Variants in CWC22 observed in about 807,000 individuals in gnomAD.
CWC22 encodes the protein pre-mRNA-splicing factor CWC22 homolog.
Under a neutral mutation model 117.2 loss-of-function variants are expected in CWC22, and 53 were observed. That is an observed-to-expected ratio of 0.45 (90% CI 0.36 to 0.57). The LOEUF is 0.57. Among genes scored for constraint, CWC22 ranks in the 20% least tolerant of loss-of-function variants. The probability of loss-of-function intolerance (pLI) is 0.00; values close to 1 mark genes in which losing one functional copy is unlikely to be tolerated. For missense variants in CWC22, 980 were observed against 1,068.8 expected (o/e 0.92, Z 1.16); for synonymous variants, 360 against 355.6 (o/e 1.01, Z -0.14).
Position 179,993,384 on chromosome 2 carries a change from C to G in CWC22, c.-43G>C, listed in dbSNP as rs1411015137. On this transcript the variant is annotated 5_prime_UTR_variant, in exon 2 of 20. Coordinates refer to ENST00000410053, the MANE Select transcript of CWC22 (RefSeq NM_020943.3). ...TCCAATAAATCAAAGATGCTTCAAA[C>G]TGGTCCAAATAACAAGTACCCAATG... The G allele has an allele frequency of 1.4e-6, 2 of 1,476,850 alleles. No homozygotes were observed. The highest frequency in any genetic ancestry group is 2.0e-5 in the Admixed American group (1 of 51,140). The allele number at this position is 1,476,850 out of a possible 1,614,324, so 91.5% of individuals were successfully genotyped here.
chr2:179,994,620 A>G (rs1687654665), intron 1 of CWC22, among the ~76,000 whole-genome samples: 1 of 152,206 alleles, frequency 6.6e-6, no homozygotes, highest in Non-Finnish European at 1.5e-5. Flanking sequence ...AATGATTGGC[A>G]TGGTGTCAAG....
chr2:179,975,961 A>G (rs1687143327), intron 6 of CWC22, among the ~76,000 whole-genome samples: 1 of 152,204 alleles, frequency 6.6e-6, no homozygotes, highest in Admixed American at 6.5e-5. Flanking sequence ...AATCTTGAAC[A>G]AAAAGAACAA....
intron 1 of CWC22, among the ~76,000 whole-genome samples, chr2:179,995,701 A>C (rs1687680690): frequency 6.6e-6 from 1 of 152,238 alleles, no homozygotes; most frequent in Admixed American, 6.5e-5. Flanking sequence ...GCACTGGAGA[A>C]TGAACAAAAG....
chr2:180,003,454 G>A (rs552869947), intron 1 of CWC22, among the ~76,000 whole-genome samples: 1 of 152,246 alleles, frequency 6.6e-6, no homozygotes, highest in African/African-American at 2.4e-5. Flanking sequence ...GTATATGGGT[G>A]AACACATTCT....
rs527854270 is a variant in CWC22 at position 179,992,197 on chromosome 2, A to G, written c.27+1118T>C. 7.2e-4 allele frequency among the ~76,000 whole-genome samples: 110 copies of G among 152,308 alleles called. 3 individuals carry two copies. Among genetic ancestry groups the G allele is most frequent in the African/African-American group, 2.5e-3 (102 of 41,560 alleles). On this transcript the variant is annotated intron_variant, in intron 2 of 19. Transcript: ENST00000410053. ...CCCTTTACTGACTCCAAGGCCCAAA[A>G]AGTGATGTCCTGGTTTTAAATCCAT...
chr2:179,961,232 T>C (rs1201345883), intron 13 of CWC22, among the ~76,000 whole-genome samples: 1 of 152,030 alleles, frequency 6.6e-6, no homozygotes, highest in Admixed American at 6.5e-5. Context: ...TTGTTAATTG[T>C]TTATTGATTC....
Position 180,002,328 on chromosome 2 carries a change from A to G in CWC22, c.-114+4539T>C, listed in dbSNP as rs185643001. Among the ~76,000 whole-genome samples the G allele has an allele frequency of 5.3e-4, 80 of 152,264 alleles. No homozygotes were observed. The East Asian group carries it at 0.013, about 25-fold the overall frequency. On this transcript the variant is annotated intron_variant, in intron 1 of 19. Transcript: ENST00000410053. ...TGTTTCCCCCTCATTCTGTCACTGTATATAGGAGGCTGGGGGAAGGTTCCA... is the reference window on the plus strand; with the variant it reads ...TGTTTCCCCCTCATTCTGTCACTGTGTATAGGAGGCTGGGGGAAGGTTCCA...
chr2:179,973,359 AT>A, intron 7 of CWC22, 113 bp from the exon 8 acceptor site: 2 of 728,964 alleles, frequency 2.7e-6, no homozygotes, highest in Non-Finnish European at 4.6e-6. Flanking sequence ...CACAAGTATA[AT>A]TTTTACATTA....
intron 16 of CWC22, among the ~76,000 whole-genome samples, chr2:179,953,426 T>C (rs1559285025): frequency 6.6e-6 from 1 of 152,098 alleles, no homozygotes; most frequent in Non-Finnish European, 1.5e-5. Flanking sequence ...CAAATTCCTT[T>C]AGTAATTTTG....
intron 14 of CWC22, among the ~76,000 whole-genome samples, chr2:179,956,664 T>A (rs1686599365): frequency 2.0e-5 from 3 of 151,236 alleles, no homozygotes; most frequent in Non-Finnish European, 4.4e-5. Flanking sequence ...TTTATAAATG[T>A]GTAAGTTCTG....
intron 5 of CWC22, 42 bp downstream of exon 5, chr2:179,981,710 T>C (rs746344198): frequency 1.9e-5 from 29 of 1,547,336 alleles, no homozygotes; most frequent in Non-Finnish European, 2.4e-5. Context: ...TATTTTTCAA[T>C]GACAATTTCA....
At chr2:179,961,545 C>T (rs2105517834) in intron 13 of CWC22, among the ~76,000 whole-genome samples, 1 of 152,086 alleles carries the variant, frequency 6.6e-6, no homozygotes, top group African/African-American at 2.4e-5. Context: ...AATAATACAG[C>T]AAAACCAAAA....
chr2:179,952,820 C>T (rs1686487741), intron 16 of CWC22, among the ~76,000 whole-genome samples: 1 of 151,936 alleles, frequency 6.6e-6, no homozygotes, highest in Admixed American at 6.6e-5. Flanking sequence ...AGATTTCATT[C>T]TCTGTTTTGA....
At chr2:179,994,255 T>C (rs79560414) in intron 1 of CWC22, among the ~76,000 whole-genome samples, 1,823 of 152,188 alleles carry the variant, frequency 0.012, 20 homozygotes, top group Non-Finnish European at 0.017. Context: ...GATTAAAAGA[T>C]ACAGAGAATG....
intron 1 of CWC22, among the ~76,000 whole-genome samples, chr2:180,000,242 G>A (rs1317061342): frequency 6.6e-6 from 1 of 152,016 alleles, no homozygotes; most frequent in African/African-American, 2.4e-5. Context: ...GAAAATAAAA[G>A]GGTCAAAATA....
chr2:179,970,580 A>C lies in CWC22; in HGVS notation c.1148-17T>G. The C allele has an allele frequency of 1.3e-6, 2 of 1,552,108 alleles. No homozygotes were observed. Among genetic ancestry groups the C allele is most frequent in the South Asian group, 1.2e-5 (1 of 84,162 alleles). On this transcript the variant is annotated splice_polypyrimidine_tract_variant and intron_variant, in intron 10 of 19. Transcript: ENST00000410053. ...TGAAAACATCTAAAAAAAATGTAAA[A>C]GTTAATGTTTATTTTCTATATTTAC... is the stretch of plus-strand genomic sequence containing the variant.
At chr2:179,988,019 A>G (rs1687464470) in intron 3 of CWC22, among the ~76,000 whole-genome samples, 1 of 152,126 alleles carries the variant, frequency 6.6e-6, no homozygotes, top group Admixed American at 6.5e-5. Context: ...TCTAATAAGG[A>G]GCACACAGCC....
chr2:179,955,072 C>G, intron 14 of CWC22, 38 bp from the exon 15 acceptor site: 11 of 1,342,236 alleles, frequency 8.2e-6, no homozygotes, highest in Non-Finnish European at 1.2e-5. Context: ...ATTCAAAACA[C>G]AAAGAGACTA....
chr2:179,962,932 A>G (rs1245226762), intron 13 of CWC22, among the ~76,000 whole-genome samples: 2 of 152,124 alleles, frequency 1.3e-5, no homozygotes, highest in Non-Finnish European at 2.9e-5. Context: ...TGTCAATTAT[A>G]AATAAAAATT....
Sources: gnomAD v4.1 joint callset for allele counts (sites outside exome capture counted in the v4.1 genomes callset) on GRCh38, gnomAD v4.1.1 for gene constraint, MANE v1.5 for transcripts, NCBI Gene and HGNC (gene_info 2026-07-23, HGNC 2026-07-21) for gene names.